Variants in DLG2 observed in about 807,000 individuals in gnomAD.
DLG2 encodes the protein disks large homolog 2.
DLG2 carries 45 observed loss-of-function variants against 132.5 expected under a neutral mutation model. That is an observed-to-expected ratio of 0.34 (90% confidence interval 0.27 to 0.44). The LOEUF is 0.44. DLG2 is among the 20% of genes least tolerant of loss of function. The pLI is 1.00. For missense variants in DLG2, 1,045 were observed against 1,196.9 expected, an observed-to-expected ratio of 0.87 and a Z score of 1.87; for synonymous variants, 424 against 419.6, an observed-to-expected ratio of 1.01 and a Z score of -0.13.
At chr11:85,531,691 T>C (rs1380639068) in intron 3 of DLG2, among the ~76,000 whole-genome samples, 1 of 152,144 alleles carries the variant, frequency 6.6e-6, no homozygotes, top group Non-Finnish European at 1.5e-5. Flanking sequence ...GAAGGCATGA[T>C]ACAATAAAGT....
At chr11:85,181,281 TAGAG>T (rs2079682273) in intron 4 of DLG2, among the ~76,000 whole-genome samples, 1 of 151,674 alleles carries the variant, frequency 6.6e-6, no homozygotes, top group Admixed American at 6.6e-5. Flanking sequence ...TGTATATACA[TAGAG>T]GGAGAATCAA....
intron 7 of DLG2, among the ~76,000 whole-genome samples, chr11:84,271,896 C>T (rs373402496): frequency 4.1e-5 from 6 of 145,814 alleles, no homozygotes; most frequent in East Asian, 4.3e-4. Context: ...GGGATGGCTC[C>T]GTGAACGAGG....
chr11:84,877,363 T>C (rs2086523986), intron 6 of DLG2, among the ~76,000 whole-genome samples: 1 of 152,064 alleles, frequency 6.6e-6, no homozygotes, highest in African/African-American at 2.4e-5. Context: ...TGAATCTGGG[T>C]GCTCCTATAG....
At chr11:84,502,682 C>G (rs553704915) in intron 7 of DLG2, among the ~76,000 whole-genome samples, 2 of 151,836 alleles carry the variant, frequency 1.3e-5, no homozygotes, top group East Asian at 2.0e-4. Flanking sequence ...ACAGGAGAAC[C>G]ATTTCACGAC....
chr11:83,595,209 G>C (rs1410905634), intron 19 of DLG2, among the ~76,000 whole-genome samples: 2 of 152,130 alleles, frequency 1.3e-5, no homozygotes, highest in Non-Finnish European at 2.9e-5. Context: ...CCCAGCTCTT[G>C]GGTATTAAAT....
At chr11:84,295,924 T>C (rs1431123586) in intron 7 of DLG2, among the ~76,000 whole-genome samples, 2 of 152,248 alleles carry the variant, frequency 1.3e-5, no homozygotes, top group African/African-American at 4.8e-5. Context: ...AATGGTATTC[T>C]ATCATACAGT....
intron 6 of DLG2, among the ~76,000 whole-genome samples, chr11:85,088,118 A>G (rs2068231691): frequency 1.3e-5 from 2 of 152,154 alleles, no homozygotes; most frequent in Non-Finnish European, 2.9e-5. Flanking sequence ...TAGTATTAGT[A>G]AATATGGAGA....
chr11:84,711,046 C>T (rs1042265579), intron 6 of DLG2, among the ~76,000 whole-genome samples: 2 of 142,880 alleles, frequency 1.4e-5, no homozygotes, highest in African/African-American at 2.6e-5. Context: ...CTGAAAAAAG[C>T]ATTAAAGTAG....
chr11:85,261,921 T>C (rs2076963202), intron 4 of DLG2, among the ~76,000 whole-genome samples: 1 of 151,990 alleles, frequency 6.6e-6, no homozygotes, highest in African/African-American at 2.4e-5. Flanking sequence ...GAAGGTGGTT[T>C]GTCAGGGGAA....
At chr11:85,121,573 A>G (rs2074319636) in intron 5 of DLG2, among the ~76,000 whole-genome samples, 1 of 152,060 alleles carries the variant, frequency 6.6e-6, no homozygotes, top group Admixed American at 6.6e-5. Flanking sequence ...TTTTGTACTT[A>G]AATTTTAGAA....
At chr11:84,539,956 A>C (rs1343531285) in intron 6 of DLG2, among the ~76,000 whole-genome samples, 2 of 152,224 alleles carry the variant, frequency 1.3e-5, no homozygotes, top group African/African-American at 4.8e-5. Context: ...TGCCCTATTT[A>C]ATAAATGGTG....
rs529835213 is a variant in DLG2 at position 83,522,526 on chromosome 11, T to C, written c.2193+10182A>G. Among the ~76,000 whole-genome samples, 5 of 112,634 alleles carry C rather than the reference T, an allele frequency of 4.4e-5. 1 individual carries two copies. The East Asian group carries it at 1.3e-3, about 28-fold the overall frequency. The allele number at this position is 112,634 out of a possible 152,430, so 73.9% of individuals were successfully genotyped here. ...TATTTGGTTCTGCATTCACAACCTA[T>C]AGAAAAAAAAAAAGTGATCTGTGCC... On this transcript the variant is annotated intron_variant, in intron 21 of 27. Coordinates refer to ENST00000376104, the MANE Select transcript of DLG2 (RefSeq NM_001142699.3).
chr11:85,454,068 A>G (rs2092340326), intron 3 of DLG2, among the ~76,000 whole-genome samples: 1 of 151,432 alleles, frequency 6.6e-6, no homozygotes, highest in Admixed American at 6.6e-5. Context: ...TCTAGCTCCA[A>G]CCATGTTGCT....
At chr11:84,403,346 T>C (rs868229493) in intron 7 of DLG2, among the ~76,000 whole-genome samples, 8 of 152,214 alleles carry the variant, frequency 5.3e-5, no homozygotes, top group Admixed American at 2.6e-4. Context: ...AAATGAAGTA[T>C]TGACAATGCT....
In DLG2 at chr11:83,930,370, G is replaced by A. The variant is rs958061062; in HGVS notation, c.1454C>T (p.Ser485Phe). 2 of 1,614,078 alleles carry A rather than the reference G, an allele frequency of 1.2e-6. No homozygotes were observed. The highest frequency in any genetic ancestry group is 1.7e-5 in the Admixed American group (1 of 60,018). The part of the protein sequence containing the change: ...DKSFLLSAPY[S>F]HYHLGLLPDS... ...AGGTAGCAGGCCTAGGTGGTAGTGG[G>A]AATAGGGAGCTGAGAGGAGGAAGCT... Residue 485 changes from serine to phenylalanine, a missense_variant, in exon 15 of 28, where the codon TCC becomes TTC. Physicochemically the swap from Ser to Phe is radical, Grantham distance 155. This residue lies in a region of DLG2 where 261 missense variants were observed against 256.1 expected (regional missense o/e 1.02). Transcript: ENST00000376104.
chr11:84,932,286 A>T (rs996819187), intron 6 of DLG2, among the ~76,000 whole-genome samples: 1 of 152,108 alleles, frequency 6.6e-6, no homozygotes, highest in Non-Finnish European at 1.5e-5. Context: ...ATCTTGAGTT[A>T]ATTTTTCTAT....
At chr11:84,473,817 G>A (rs2099114721) in intron 7 of DLG2, among the ~76,000 whole-genome samples, 1 of 151,950 alleles carries the variant, frequency 6.6e-6, no homozygotes, top group Non-Finnish European at 1.5e-5. Flanking sequence ...ATTAACATAA[G>A]TTTTTAAATT....
intron 23 of DLG2, among the ~76,000 whole-genome samples, chr11:83,472,292 C>A (rs1483503448): frequency 2.0e-5 from 3 of 152,114 alleles, no homozygotes; most frequent in Non-Finnish European, 4.4e-5. Flanking sequence ...TTGTCAGTAG[C>A]AATTAGCCTC....
chr11:83,844,547 CAAA>C (rs59755957), intron 16 of DLG2, among the ~76,000 whole-genome samples: 12 of 70,630 alleles, frequency 1.7e-4, no homozygotes, highest in East Asian at 5.2e-4. Flanking sequence ...GAGTCTGTAT[CAAA>C]AAAAAAAAAA....
Sources: allele counts gnomAD v4.1 joint callset (sites outside exome capture counted in the v4.1 genomes callset), GRCh38; gene constraint gnomAD v4.1.1; regional missense constraint gnomAD v4.1.1; transcripts MANE v1.5; gene names NCBI Gene and HGNC (gene_info 2026-07-23, HGNC 2026-07-21).